Variants in FBXL17 observed in about 807,000 individuals in gnomAD.
The protein encoded by FBXL17 is F-box and leucine rich repeat protein 17, also known as F-box/LRR-repeat protein 17.
In FBXL17, 22 loss-of-function variants were observed where a neutral mutation model predicts 66.2. The ratio of observed to expected loss-of-function variants is 0.33; its 90% confidence interval spans 0.24 to 0.47. FBXL17 has a LOEUF of 0.47. FBXL17 is among the 20% of genes least tolerant of loss of function. The pLI is 1.00. For synonymous variants in FBXL17, 474 were observed against 400.5 expected (o/e 1.18, Z -2.19); for missense variants, 878 against 948.2 (o/e 0.93, Z 0.97).
intron 7 of FBXL17, among the ~76,000 whole-genome samples, chr5:108,001,834 C>T (rs1753741841): frequency 7.3e-6 from 1 of 137,274 alleles, no homozygotes; most frequent in African/African-American, 3.6e-5. Context: ...TTTCCGACAT[C>T]TCAAAATTAA....
At chr5:107,887,191 T>C in intron 7 of FBXL17, among the ~76,000 whole-genome samples, 1 of 152,204 alleles carries the variant, frequency 6.6e-6, no homozygotes, top group East Asian at 1.9e-4. Flanking sequence ...AACTTTTCTG[T>C]AATTCTAAAA....
intron 6 of FBXL17, among the ~76,000 whole-genome samples, chr5:108,032,535 G>T (rs1479687765): frequency 6.6e-6 from 1 of 152,116 alleles, no homozygotes; most frequent in African/African-American, 2.4e-5. Context: ...ACTCACAAGA[G>T]AGAGGCAAAT....
intron 8 of FBXL17, chr5:107,880,307 G>C (rs886431313): frequency 1.1e-6 from 1 of 917,652 alleles, no homozygotes; most frequent in African/African-American, 1.8e-5. Flanking sequence ...TCAAATTCCT[G>C]GGCTCAAGTG....
At chr5:108,321,677 C>T (rs550832765) in intron 4 of FBXL17, among the ~76,000 whole-genome samples, 1 of 149,188 alleles carries the variant, frequency 6.7e-6, no homozygotes, top group South Asian at 2.1e-4. Flanking sequence ...AACTCAGAAG[C>T]CAAAAAACAA....
chr5:107,975,181 T>C (rs1188120857), intron 7 of FBXL17, among the ~76,000 whole-genome samples: 1 of 152,180 alleles, frequency 6.6e-6, no homozygotes, highest in Non-Finnish European at 1.5e-5. Flanking sequence ...CCTATAAATA[T>C]GCTCGGATAT....
chr5:108,145,135 T>C (rs1580508396), intron 6 of FBXL17, among the ~76,000 whole-genome samples: 1 of 152,304 alleles, frequency 6.6e-6, no homozygotes, highest in Non-Finnish European at 1.5e-5. Flanking sequence ...TACTTTGATA[T>C]ACTCTAGTTT....
intron 6 of FBXL17, among the ~76,000 whole-genome samples, chr5:108,084,634 T>C (rs1284205217): frequency 6.6e-6 from 1 of 152,194 alleles, no homozygotes; most frequent in East Asian, 1.9e-4. Flanking sequence ...CTCTCCTTTT[T>C]TATCTCATAG....
chr5:107,864,672 C>T (rs1748223935), intron 8 of FBXL17, among the ~76,000 whole-genome samples: 1 of 152,112 alleles, frequency 6.6e-6, no homozygotes, highest in Non-Finnish European at 1.5e-5. Flanking sequence ...CCTCCCCCAA[C>T]TCTCTCTCTT....
chr5:107,938,515 A>G (rs1010434735), intron 7 of FBXL17, among the ~76,000 whole-genome samples: 2 of 152,176 alleles, frequency 1.3e-5, no homozygotes, highest in Non-Finnish European at 2.9e-5. Flanking sequence ...ATGAACTTTA[A>G]ACACTAAAGA....
intron 4 of FBXL17, among the ~76,000 whole-genome samples, chr5:108,314,646 A>G (rs995349837): frequency 1.1e-4 from 17 of 151,434 alleles, no homozygotes; most frequent in African/African-American, 3.6e-4. Context: ...AAAAAATAAG[A>G]ACAACCAGAA....
At chr5:108,170,896 AC>A (rs754365533) in intron 6 of FBXL17, among the ~76,000 whole-genome samples, 4 of 152,208 alleles carry the variant, frequency 2.6e-5, no homozygotes, top group Non-Finnish European at 5.9e-5. Context: ...TGATTATGTC[AC>A]AGTAACAACT....
At chr5:108,276,021 A>G (rs2150143816) in intron 4 of FBXL17, among the ~76,000 whole-genome samples, 1 of 152,350 alleles carries the variant, frequency 6.6e-6, no homozygotes, top group Admixed American at 6.5e-5. Flanking sequence ...CACTGCATTA[A>G]AAGTTGAAAA....
intron 6 of FBXL17, among the ~76,000 whole-genome samples, chr5:108,087,596 T>C (rs897788464): frequency 1.3e-5 from 2 of 152,148 alleles, no homozygotes; most frequent in Admixed American, 1.3e-4. Context: ...AAACATCTTA[T>C]ACCCCAATCT....
rs185095422 is a variant in FBXL17, at chr5:107,989,022, T to A, written c.1822+31903A>T. On this transcript the variant is annotated intron_variant, in intron 7 of 8. Coordinates refer to ENST00000542267, the MANE Select transcript of FBXL17 (RefSeq NM_001163315.3). ...TTCTCTTTTTATTGATAGATAATAA[T>A]TGTATATATTTATGGGGTACAGGCG... Among the ~76,000 whole-genome samples, 160 of 152,162 alleles carry A rather than the reference T, an allele frequency of 1.1e-3. 1 individual carries two copies. The highest frequency in any genetic ancestry group is 3.8e-3 in the African/African-American group (157 of 41,552).
rs978588681 is a variant in FBXL17, at chr5:108,138,561, G to A, written c.1745+47556C>T. Among the ~76,000 whole-genome samples, 6 of 152,144 alleles carry A rather than the reference G, an allele frequency of 3.9e-5. 1 individual carries two copies. Among genetic ancestry groups the A allele is most frequent in the African/African-American group, 4.8e-5 (2 of 41,430 alleles). ...AAAAGGTAAACCAGAAGATATTGCC[G>A]GTGGGAAGAGGGGACAAAGATAAAT... On this transcript the variant is annotated intron_variant, in intron 6 of 8. Transcript: ENST00000542267.
intron 7 of FBXL17, among the ~76,000 whole-genome samples, chr5:107,962,374 T>G (rs1272667821): frequency 6.6e-6 from 1 of 152,188 alleles, no homozygotes; most frequent in Non-Finnish European, 1.5e-5. Flanking sequence ...CATAACATTC[T>G]AGTATATAAA....
chr5:108,219,907 C>T (rs1754777609), intron 5 of FBXL17, among the ~76,000 whole-genome samples: 1 of 123,798 alleles, frequency 8.1e-6, no homozygotes, highest in African/African-American at 3.1e-5. Flanking sequence ...CATTGATTTC[C>T]TCTTTGATCT....
chr5:108,203,603 A>T (rs970501688), intron 5 of FBXL17, among the ~76,000 whole-genome samples: 5 of 152,174 alleles, frequency 3.3e-5, no homozygotes, highest in African/African-American at 1.2e-4. Context: ...AATGAATTTA[A>T]GAACATATTT....
At chr5:108,146,231 CAAA>C (rs1270049412) in intron 6 of FBXL17, among the ~76,000 whole-genome samples, 1 of 97,828 alleles carries the variant, frequency 1.0e-5, no homozygotes. Flanking sequence ...GACTTCGTCT[CAAA>C]AAAAAAAAAA....
Sources: allele counts gnomAD v4.1 joint callset (sites outside exome capture counted in the v4.1 genomes callset), GRCh38; gene constraint gnomAD v4.1.1; transcripts MANE v1.5; gene names NCBI Gene and HGNC (gene_info 2026-07-23, HGNC 2026-07-21).